The following MTUS2 variants were observed in gnomAD, a reference collection of about 807,000 sequenced individuals.
MTUS2 encodes the protein microtubule associated scaffold protein 2.
MTUS2 carries 40 observed loss-of-function variants against 114.1 expected under a neutral mutation model. The observed-to-expected ratio is 0.35, with a 90% CI of 0.27 to 0.46. The LOEUF is 0.46. MTUS2 is among the 20% of genes least tolerant of loss of function. The probability of loss-of-function intolerance (pLI) is 1.00; values close to 1 mark genes in which losing one functional copy is unlikely to be tolerated. For missense variants in MTUS2, 1,679 were observed against 1,705.4 expected (o/e 0.98, Z 0.27); for synonymous variants, 688 against 672.0 (o/e 1.02, Z -0.37).
chr13:29,323,853 CAG>C (rs1555265032), intron 6 of MTUS2, among the ~76,000 whole-genome samples: 2 of 152,154 alleles, frequency 1.3e-5, no homozygotes, highest in Non-Finnish European at 2.9e-5. Flanking sequence ...AATGACCTAA[CAG>C]TGTGCTGAAG....
chr13:29,430,742 A>G (rs1476123969), intron 8 of MTUS2, among the ~76,000 whole-genome samples: 1 of 152,232 alleles, frequency 6.6e-6, no homozygotes, highest in Non-Finnish European at 1.5e-5. Context: ...CAGTATGCCA[A>G]AATCATTTAT....
In MTUS2 at chr13:29,401,000, T is replaced by C. The variant is rs529702024; in HGVS notation, c.3118-38983T>C. ...TGCAAATATTTTCTTTTCTTCTTCT[T>C]TTTTTGAGCTGGAGTCTTGCTCTGT... On this transcript the variant is annotated intron_variant, in intron 8 of 15. Coordinates refer to ENST00000612955, the MANE Select transcript of MTUS2 (RefSeq NM_001033602.4). Among the ~76,000 whole-genome samples the C allele has an allele frequency of 2.6e-4, 39 of 152,302 alleles. 1 individual carries two copies. Among genetic ancestry groups the C allele is most frequent in the Admixed American group, 1.9e-3 (29 of 15,300 alleles).
At chr13:29,459,739 T>A (rs1340698623) in intron 9 of MTUS2, among the ~76,000 whole-genome samples, 1 of 152,196 alleles carries the variant, frequency 6.6e-6, no homozygotes, top group African/African-American at 2.4e-5. Context: ...GATAAAGAGA[T>A]CCTTCTGTGA....
At chr13:29,412,406 A>G (rs559293650) in intron 8 of MTUS2, among the ~76,000 whole-genome samples, 1 of 152,292 alleles carries the variant, frequency 6.6e-6, no homozygotes, top group East Asian at 1.9e-4. Context: ...ACCTTAAATT[A>G]CTGGCTTAAG....
intron 8 of MTUS2, among the ~76,000 whole-genome samples, chr13:29,420,283 C>CT (rs34081195): frequency 0.017 from 2,321 of 137,358 alleles, 61 homozygotes; most frequent in African/African-American, 0.054. Context: ...TCTTTCTTTC[C>CT]TTTTTTTTTT....
intron 2 of MTUS2, among the ~76,000 whole-genome samples, chr13:28,918,286 A>G (rs1408608710): frequency 6.6e-6 from 1 of 151,960 alleles, no homozygotes; most frequent in African/African-American, 2.4e-5. Context: ...GAAGTCTCCA[A>G]CTATTATTGT....
chr13:28,940,621 T>G (rs140417943), intron 2 of MTUS2, among the ~76,000 whole-genome samples: 1 of 151,082 alleles, frequency 6.6e-6, no homozygotes, highest in African/African-American at 2.5e-5. Context: ...AACTGGAAAC[T>G]GTAAGAGTAT....
intron 6 of MTUS2, among the ~76,000 whole-genome samples, chr13:29,292,204 A>T (rs572894944): frequency 6.6e-6 from 1 of 152,306 alleles, no homozygotes; most frequent in South Asian, 2.1e-4. Context: ...CAGCTGTGAT[A>T]CTTTGCTTCC....
intron 6 of MTUS2, among the ~76,000 whole-genome samples, chr13:29,283,320 G>A (rs977476899): frequency 1.3e-5 from 2 of 152,178 alleles, no homozygotes; most frequent in African/African-American, 4.8e-5. Flanking sequence ...AGCTTCTGGG[G>A]GTGGTGACTG....
At chr13:29,338,217 A>C (rs1290176194) in intron 7 of MTUS2, among the ~76,000 whole-genome samples, 4 of 152,174 alleles carry the variant, frequency 2.6e-5, no homozygotes, top group African/African-American at 4.8e-5. Context: ...TACATTTTGA[A>C]GAGGTTATGT....
intron 2 of MTUS2, among the ~76,000 whole-genome samples, chr13:28,923,882 G>T (rs1174111311): frequency 6.6e-6 from 1 of 152,128 alleles, no homozygotes; most frequent in Non-Finnish European, 1.5e-5. Context: ...CTTAGGGTCA[G>T]ACCCTGGATA....
At chr13:29,388,927 A>G (rs889815581) in intron 8 of MTUS2, among the ~76,000 whole-genome samples, 2 of 151,964 alleles carry the variant, frequency 1.3e-5, no homozygotes, top group Non-Finnish European at 2.9e-5. Flanking sequence ...TTGTACGTAT[A>G]TAGCTTGCCC....
At chr13:29,360,023 G>T (rs1357127291) in intron 8 of MTUS2, among the ~76,000 whole-genome samples, 1 of 152,112 alleles carries the variant, frequency 6.6e-6, no homozygotes, top group Non-Finnish European at 1.5e-5. Context: ...AGGGAGGTTG[G>T]TTTCTCCTCT....
intron 9 of MTUS2, among the ~76,000 whole-genome samples, chr13:29,456,160 A>G (rs781495253): frequency 6.6e-6 from 1 of 152,216 alleles, no homozygotes; most frequent in Non-Finnish European, 1.5e-5. Context: ...AGAAATAAAA[A>G]CTATTATAAA....
chr13:29,236,493 T>C (rs1896539778), intron 5 of MTUS2, among the ~76,000 whole-genome samples: 1 of 152,234 alleles, frequency 6.6e-6, no homozygotes, highest in South Asian at 2.1e-4. Flanking sequence ...TAATTTTTCC[T>C]AGACAGAAGA....
chr13:28,975,773 A>T (rs1884066391), intron 2 of MTUS2, among the ~76,000 whole-genome samples: 1 of 152,220 alleles, frequency 6.6e-6, no homozygotes, highest in Non-Finnish European at 1.5e-5. Flanking sequence ...CATGTTGATT[A>T]TCTTTGCCTT....
rs538523180 is a variant in MTUS2 at position 29,259,298 on chromosome 13, A to T, written c.2645-22406A>T. 7.9e-5 allele frequency among the ~76,000 whole-genome samples: 12 copies of T among 152,290 alleles called. 1 individual carries two copies. The highest frequency in any genetic ancestry group is 2.9e-4 in the African/African-American group (12 of 41,572). On this transcript the variant is annotated intron_variant, in intron 5 of 15. Coordinates refer to ENST00000612955, the MANE Select transcript of MTUS2 (RefSeq NM_001033602.4). The stretch of plus-strand genomic sequence containing the variant: ...GGTGGCTCCCTCATGATCAACCAGC[A>T]GGAGATATGCCTTTATTGGAGCACC...
chr13:29,365,510 T>TTGTGTGTGTTTGTGTGTG (rs1870634699), intron 8 of MTUS2, among the ~76,000 whole-genome samples: 1 of 146,822 alleles, frequency 6.8e-6, no homozygotes, highest in Non-Finnish European at 1.5e-5. Flanking sequence ...TTGTTTGGGT[T>TTGTGTGTGTTTGTGTGTG]TGTGTGTGTG....
At chr13:28,920,082 G>A (rs1341331290) in intron 2 of MTUS2, among the ~76,000 whole-genome samples, 1 of 152,194 alleles carries the variant, frequency 6.6e-6, no homozygotes, top group Non-Finnish European at 1.5e-5. Flanking sequence ...GCCTTATTCA[G>A]TTTGTTTGGT....
Sources: gnomAD v4.1 joint callset for allele counts (sites outside exome capture counted in the v4.1 genomes callset) on GRCh38, gnomAD v4.1.1 for gene constraint, MANE v1.5 for transcripts, NCBI Gene and HGNC (gene_info 2026-07-23, HGNC 2026-07-21) for gene names.